AK5: variants seen among roughly 807,000 people sequenced by gnomAD.
The protein encoded by AK5 is adenylate kinase isoenzyme 5.
A neutral mutation model predicts 69.5 loss-of-function variants in AK5; 27 were observed. The observed-to-expected ratio is 0.39, with a 90% CI of 0.29 to 0.54. The LOEUF is 0.54. Among genes scored for constraint, AK5 ranks in the 20% least tolerant of loss-of-function variants. The probability of loss-of-function intolerance (pLI) is 0.71; values close to 1 mark genes in which losing one functional copy is unlikely to be tolerated. For missense variants in AK5, 531 were observed against 700.4 expected (o/e 0.76, Z 2.73); for synonymous variants, 260 against 244.4 (o/e 1.06, Z -0.60).
At chr1:77,437,435 C>A (rs781313327) in intron 8 of AK5, among the ~76,000 whole-genome samples, 5 of 152,078 alleles carry the variant, frequency 3.3e-5, no homozygotes, top group Non-Finnish European at 7.4e-5. Flanking sequence ...TATAAAAGGA[C>A]AGTTGAATCC....
intron 13 of AK5, chr1:77,557,185 C>T (rs566795386): frequency 6.5e-6 from 1 of 152,812 alleles, no homozygotes; most frequent in South Asian, 2.1e-4. Context: ...CCATAGCACT[C>T]CATCAATGAT....
intron 10 of AK5, among the ~76,000 whole-genome samples, chr1:77,497,559 G>C (rs1433751987): frequency 6.6e-6 from 1 of 152,224 alleles, no homozygotes; most frequent in Non-Finnish European, 1.5e-5. Context: ...ATTTGCAGAA[G>C]AAATAGAGTT....
chr1:77,331,358 T>A (rs1336477710), intron 5 of AK5, among the ~76,000 whole-genome samples: 1 of 152,180 alleles, frequency 6.6e-6, no homozygotes, highest in Non-Finnish European at 1.5e-5. Flanking sequence ...TCATTTTGTA[T>A]ATTTGTTCTT....
chr1:77,411,148 A>C, intron 7 of AK5, 77 bp downstream of exon 7: 2 of 1,209,752 alleles, frequency 1.7e-6, no homozygotes, highest in Non-Finnish European at 2.3e-6. Flanking sequence ...TTAATGGTTG[A>C]AGTTCAACAA....
chr1:77,399,530 G>C (rs1421445308), intron 6 of AK5, among the ~76,000 whole-genome samples: 1 of 152,178 alleles, frequency 6.6e-6, no homozygotes, highest in Admixed American at 6.6e-5. Flanking sequence ...CCAAAGCCCT[G>C]GTTGGGCTGT....
chr1:77,411,178 G>A, intron 7 of AK5, 107 bp downstream of exon 7: 5 of 871,872 alleles, frequency 5.7e-6, no homozygotes, highest in Middle Eastern at 2.2e-4. Flanking sequence ...AGTTTTGAAG[G>A]ATGACAAAGT....
chr1:77,425,441 G>T (rs1397320266), intron 8 of AK5, among the ~76,000 whole-genome samples: 2 of 152,040 alleles, frequency 1.3e-5, no homozygotes, highest in African/African-American at 2.4e-5. Context: ...CAAAAAATTG[G>T]CCGGGTATGG....
intron 10 of AK5, among the ~76,000 whole-genome samples, chr1:77,503,239 G>A (rs973461760): frequency 6.6e-6 from 1 of 152,210 alleles, no homozygotes; most frequent in Non-Finnish European, 1.5e-5. Flanking sequence ...CCAGGCCTGT[G>A]AGGAAGTGAA....
At chr1:77,454,645 A>T (rs144409372) in intron 8 of AK5, among the ~76,000 whole-genome samples, 147 of 152,312 alleles carry the variant, frequency 9.7e-4, no homozygotes, top group African/African-American at 3.3e-3. Flanking sequence ...TATCACCAAA[A>T]CAAATCATTA....
intron 8 of AK5, among the ~76,000 whole-genome samples, chr1:77,478,415 C>T (rs1655074191): frequency 6.6e-6 from 1 of 152,130 alleles, no homozygotes; most frequent in African/African-American, 2.4e-5. Flanking sequence ...CTCAGGAGAT[C>T]TGATGGTTTT....
At chr1:77,360,239 C>T (rs150657702) in intron 6 of AK5, among the ~76,000 whole-genome samples, 3 of 152,040 alleles carry the variant, frequency 2.0e-5, no homozygotes, top group Non-Finnish European at 2.9e-5. Flanking sequence ...GAAGAAGAGT[C>T]GGGGAGGGGA....
At chr1:77,295,583 TTAAA>T (rs1160119625) in intron 3 of AK5, among the ~76,000 whole-genome samples, 1 of 152,156 alleles carries the variant, frequency 6.6e-6, no homozygotes, top group Non-Finnish European at 1.5e-5. Context: ...AAGGAAACAC[TTAAA>T]TAAATGATAG....
At chr1:77,537,591 A>G (rs963671095) in intron 13 of AK5, among the ~76,000 whole-genome samples, 8 of 152,166 alleles carry the variant, frequency 5.3e-5, no homozygotes, top group African/African-American at 1.9e-4. Context: ...AATCCTGAGT[A>G]CTCGAACTGG....
At chr1:77,475,043 T>C (rs1334794851) in intron 8 of AK5, among the ~76,000 whole-genome samples, 1 of 151,592 alleles carries the variant, frequency 6.6e-6, no homozygotes, top group Admixed American at 6.6e-5. Context: ...CTTCAAACAA[T>C]CCTCCCACCT....
chr1:77,285,344 A>G (rs1461549606), intron 1 of AK5, among the ~76,000 whole-genome samples: 2 of 151,802 alleles, frequency 1.3e-5, no homozygotes, highest in Non-Finnish European at 2.9e-5. Flanking sequence ...ATGCCCGGGT[A>G]ATTTTTTCTG....
chr1:77,357,630 T>C (rs1662603364), intron 6 of AK5, among the ~76,000 whole-genome samples: 1 of 152,222 alleles, frequency 6.6e-6, no homozygotes, highest in Non-Finnish European at 1.5e-5. Flanking sequence ...CATGCTCAGT[T>C]ATATCTAAGG....
At chr1:77,303,984 C>T (rs1023316647) in intron 5 of AK5, among the ~76,000 whole-genome samples, 4 of 152,172 alleles carry the variant, frequency 2.6e-5, no homozygotes, top group Non-Finnish European at 5.9e-5. Flanking sequence ...TCCCCTCAAG[C>T]ATTTATCCAT....
chr1:77,331,444 C>T (rs1366830540), intron 5 of AK5, among the ~76,000 whole-genome samples: 2 of 152,086 alleles, frequency 1.3e-5, no homozygotes, highest in African/African-American at 2.4e-5. Flanking sequence ...ATTACCAAAG[C>T]TTTTTCCGTA....
chr1:77,457,093 G>A (rs1653537409), intron 8 of AK5, among the ~76,000 whole-genome samples: 1 of 152,052 alleles, frequency 6.6e-6, no homozygotes, highest in South Asian at 2.1e-4. Context: ...TTGCCATATT[G>A]TGGTCAGGCG....
Sources: allele counts gnomAD v4.1 joint callset (sites outside exome capture counted in the v4.1 genomes callset), GRCh38; gene constraint gnomAD v4.1.1; transcripts MANE v1.5; gene names NCBI Gene and HGNC (gene_info 2026-07-23, HGNC 2026-07-21).